Variants in MAEA observed in about 807,000 individuals in gnomAD.
MAEA encodes the protein macrophage erythroblast attacher, E3 ubiquitin ligase.
In MAEA, 22 loss-of-function variants were observed where a neutral mutation model predicts 46.2. That is an observed-to-expected ratio of 0.48 (90% CI 0.34 to 0.68). MAEA has a LOEUF of 0.68. MAEA is among the 30% of genes least tolerant of loss of function. MAEA has a pLI of 0.01. For missense variants in MAEA, 393 were observed against 558.1 expected (o/e 0.70, Z 2.98); for synonymous variants, 246 against 222.6 (o/e 1.11, Z -0.94).
At chr4:1,310,688 C>T (rs1461997896) in intron 1 of MAEA, among the ~76,000 whole-genome samples, 1 of 152,200 alleles carries the variant, frequency 6.6e-6, no homozygotes, top group East Asian at 1.9e-4. Context: ...GCGTGTGCAC[C>T]CTGTCACCCG....
Position 1,321,873 on chromosome 4 carries a change from G to GTT in MAEA, c.457-495_457-494dup, listed in dbSNP as rs4045167. 2.4e-4 allele frequency among the ~76,000 whole-genome samples: 34 copies of GTT among 140,428 alleles called. 1 individual carries two copies. The highest frequency in any genetic ancestry group is 4.9e-4 in the African/African-American group (19 of 38,670). The allele number at this position is 140,428 out of a possible 152,430, so 92.1% of individuals were successfully genotyped here. On this transcript the variant is annotated intron_variant, in intron 3 of 8. Coordinates refer to ENST00000303400, the MANE Select transcript of MAEA (RefSeq NM_001017405.3). ...CCTGGGTTACTCTGTTTTTTTTGTT[G>GTT]TTTTTTTTTTTTTTCTTTGCTTTCA...
chr4:1,300,306 G>T (rs1372137331), intron 1 of MAEA, among the ~76,000 whole-genome samples: 2 of 152,196 alleles, frequency 1.3e-5, no homozygotes, highest in Admixed American at 6.5e-5. Context: ...TGTTCTTTTT[G>T]TGTTTGATAA....
At chr4:1,338,354 C>T (rs111700625) in intron 7 of MAEA, 68 bp from the exon 8 acceptor site, 47,169 of 1,322,938 alleles carry the variant, frequency 0.036, 1,036 homozygotes, top group Non-Finnish European at 0.045. Context: ...GGCAGAGTGG[C>T]CACAGGGGGC....
intron 6 of MAEA, chr4:1,334,934 G>A (rs1200245283): frequency 8.2e-5 from 81 of 985,260 alleles, no homozygotes; most frequent in Non-Finnish European, 9.5e-5. Flanking sequence ...AAATGTTGGA[G>A]TTAAGTGTGG....
Position 1,315,377 on chromosome 4 carries a change from C to G in MAEA, c.253-20C>G. On this transcript the variant is annotated intron_variant, in intron 2 of 8. Coordinates refer to ENST00000303400, the MANE Select transcript of MAEA (RefSeq NM_001017405.3). ...CGGGGCATCCCTGTCCTGAACGTGC[C>G]TCTGTTGTGTGTGGCTCAGGCGGTG... The G allele has an allele frequency of 1.2e-6, 2 of 1,613,106 alleles. No homozygotes were observed. Among genetic ancestry groups the G allele is most frequent in the Non-Finnish European group, 1.7e-6 (2 of 1,179,436 alleles).
At chr4:1,304,213 T>C (rs955473919) in intron 1 of MAEA, among the ~76,000 whole-genome samples, 20 of 152,180 alleles carry the variant, frequency 1.3e-4, no homozygotes, top group Admixed American at 2.0e-4. Context: ...GTGCTGTCAA[T>C]GTAAAGTATG....
At chr4:1,301,784 T>C (rs990275580) in intron 1 of MAEA, among the ~76,000 whole-genome samples, 1 of 152,226 alleles carries the variant, frequency 6.6e-6, no homozygotes, top group African/African-American at 2.4e-5. Flanking sequence ...AGGAAAAAAG[T>C]GTTAGGTTGA....
intron 4 of MAEA, among the ~76,000 whole-genome samples, chr4:1,327,098 C>A (rs1738939287): frequency 2.0e-5 from 3 of 152,268 alleles, no homozygotes; most frequent in Admixed American, 2.0e-4. Context: ...TGTCTCCTCC[C>A]CACCCGGGGC....
intron 7 of MAEA, 133 bp downstream of exon 7, chr4:1,337,127 C>A: frequency 8.9e-7 from 1 of 1,125,214 alleles, no homozygotes; most frequent in Non-Finnish European, 1.3e-6. Context: ...GTGTGCTGCA[C>A]TTGCGTGGTG....
intron 1 of MAEA, 107 bp downstream of exon 1, chr4:1,290,089 G>C: frequency 1.4e-6 from 1 of 733,556 alleles, no homozygotes; most frequent in Non-Finnish European, 1.9e-6. Flanking sequence ...GGCGGCGGGA[G>C]CTGGGCGCGG....
rs11734168 is a variant in MAEA at position 1,334,865 on chromosome 4, G to A, written c.766-1996G>A. On this transcript the variant is annotated intron_variant, in intron 6 of 8. Coordinates refer to ENST00000303400, the MANE Select transcript of MAEA (RefSeq NM_001017405.3). ...TCAGTGAGGACCTTCTGGACTGTGG[G>A]CTTCCTCCCTTGTAGACTTTGATTT... is the stretch of plus-strand genomic sequence containing the variant. 9.4e-3 allele frequency: 9,249 copies of A among 985,348 alleles called. 72 individuals are homozygous for A. The highest frequency in any genetic ancestry group is 0.056 in the East Asian group (498 of 8,820). 61.0% of individuals were successfully genotyped at this position (985,348 alleles called of 1,614,324 possible).
In MAEA at chr4:1,311,463, G is replaced by C. The variant is rs1287513462; in HGVS notation, c.70-516G>C. ...AAGGCAAACGCTGTCACACAGGAGA[G>C]GTGTGGGTCGTGCACTTGTGGCTTC... On this transcript the variant is annotated intron_variant, in intron 1 of 8. Coordinates refer to ENST00000303400, the MANE Select transcript of MAEA (RefSeq NM_001017405.3). The surrounding 1 kb of genome is among the most constrained non-coding windows in gnomAD (Gnocchi z 4.4). 6.6e-6 allele frequency among the ~76,000 whole-genome samples: 1 copy of C among 152,226 alleles called. No homozygotes were observed. Among genetic ancestry groups the C allele is most frequent in the Non-Finnish European group, 1.5e-5 (1 of 68,044 alleles).
chr4:1,327,650 A>G lies in MAEA; in HGVS notation c.603A>G (p.Arg201=), dbSNP rs200779794. Reference sequence around the variant, plus strand: ...AGAGCTGCCTGGAGTTCAGCCTCAGAATCCAGGAGTTCATTGAACTCATCC... The same window carrying G: ...AGAGCTGCCTGGAGTTCAGCCTCAGGATCCAGGAGTTCATTGAACTCATCC... The part of the protein sequence containing the change: ...KMKSCLEFSL[R]IQEFIELIRQ... Residue 201 remains arginine (R), a synonymous_variant, in exon 5 of 9, where the codon AGA becomes AGG. Transcript: ENST00000303400. 3.5e-5 allele frequency: 56 copies of G among 1,613,948 alleles called. No homozygotes were observed. In the East Asian group the frequency reaches 1.2e-3, roughly 35 times the overall value.
rs1243678757 is a variant in MAEA, at chr4:1,339,738, T to TCGCGGGTCGTGTC, written c.*576_*588dup. 6.4e-6 allele frequency: 1 copy of TCGCGGGTCGTGTC among 155,372 alleles called. No individual in the cohort carries two copies. The highest frequency in any genetic ancestry group is 2.4e-5 in the African/African-American group (1 of 41,484). The allele number at this position is 155,372 out of a possible 1,614,324, so 9.6% of individuals were successfully genotyped here. A position where few individuals can be genotyped will look rare whatever the true frequency, so the allele number is the denominator to read the frequency against. Reference sequence around the variant, plus strand: ...CTGGCTTCGAGGACGCCCGCCTGCCTCGCGGGTCGTGTCCGCGGGACTGTG... The same window carrying TCGCGGGTCGTGTC: ...CTGGCTTCGAGGACGCCCGCCTGCCTCGCGGGTCGTGTCCGCGGGTCGTGTCCGCGGGACTGTG... On this transcript the variant is annotated 3_prime_UTR_variant, in exon 9 of 9. Transcript: ENST00000303400.
chr4:1,291,369 C>T (rs1304223699), intron 1 of MAEA, among the ~76,000 whole-genome samples: 1 of 152,114 alleles, frequency 6.6e-6, no homozygotes, highest in Non-Finnish European at 1.5e-5. Context: ...GAAGGGAGGG[C>T]AATGTTGCTG....
intron 1 of MAEA, among the ~76,000 whole-genome samples, chr4:1,290,624 G>C (rs1159233601): frequency 6.6e-6 from 1 of 152,228 alleles, no homozygotes; most frequent in Admixed American, 6.5e-5. Flanking sequence ...GATTTGATAT[G>C]AAGCACCTGG....
chr4:1,291,864 AATATT>A (rs1382392231), intron 1 of MAEA, among the ~76,000 whole-genome samples: 1 of 152,212 alleles, frequency 6.6e-6, no homozygotes, highest in African/African-American at 2.4e-5. Context: ...CAGGTAAAGA[AATATT>A]ATAGTGTCAT....
intron 1 of MAEA, chr4:1,309,303 A>C (rs1577161047): frequency 2.1e-6 from 1 of 472,378 alleles, no homozygotes; most frequent in South Asian, 1.0e-4. Flanking sequence ...AATTCCACTC[A>C]CTCGGTCACC....
At chr4:1,294,375 G>A (rs1734416341) in intron 1 of MAEA, among the ~76,000 whole-genome samples, 1 of 152,164 alleles carries the variant, frequency 6.6e-6, no homozygotes, top group African/African-American at 2.4e-5. Context: ...ACTGCTAGCT[G>A]GGGGGTTGGT....
Sources: gnomAD v4.1 joint callset for allele counts (sites outside exome capture counted in the v4.1 genomes callset) on GRCh38, gnomAD v4.1.1 for gene constraint, Gnocchi (gnomAD v3.1) non-coding constraint, MANE v1.5 for transcripts, NCBI Gene and HGNC (gene_info 2026-07-23, HGNC 2026-07-21) for gene names.